The following ZNF226 variants were observed in gnomAD, a reference collection of about 807,000 sequenced individuals.
ZNF226 encodes Kruppel-associated box protein.
ZNF226 carries 6 observed loss-of-function variants against 11.4 expected under a neutral mutation model. The observed-to-expected ratio is 0.53, with a 90% CI of 0.29 to 1.04. The LOEUF (loss-of-function observed/expected upper bound fraction) is 1.04. ZNF226 is among the 50% of genes least tolerant of loss of function. The pLI, the probability that ZNF226 is intolerant of heterozygous loss-of-function variation, is 0.08. For missense variants in ZNF226, 1,058 were observed against 956.5 expected, an observed-to-expected ratio of 1.11 and a Z score of -1.40; for synonymous variants, 350 against 322.8, an observed-to-expected ratio of 1.08 and a Z score of -0.90.
downstream of ZNF226, among the ~76,000 whole-genome samples, chr19:44,179,965 T>C (rs1970881294): frequency 6.6e-6 from 1 of 151,196 alleles, no homozygotes; most frequent in African/African-American, 2.4e-5. Flanking sequence ...TGGGCGCCTG[T>C]AATTCCAGCT....
chr19:44,197,500 A>G, the ZNF226 span, among the ~76,000 whole-genome samples: 1 of 152,198 alleles, frequency 6.6e-6, no homozygotes, highest in East Asian at 1.9e-4. Context: ...GTTGGGACAT[A>G]TTGGTCAAAA....
chr19:44,191,214 T>C, the ZNF226 span, among the ~76,000 whole-genome samples: 1 of 152,178 alleles, frequency 6.6e-6, no homozygotes, highest in Non-Finnish European at 1.5e-5. Context: ...ATGAATCTGA[T>C]TGCAGATACC....
intron 3 of ZNF226, among the ~76,000 whole-genome samples, chr19:44,170,760 A>T (rs1005866270): frequency 2.6e-5 from 4 of 152,136 alleles, no homozygotes; most frequent in Admixed American, 6.5e-5. Context: ...AAAAAATAAA[A>T]AAATTAGCCA....
the ZNF226 span, among the ~76,000 whole-genome samples, chr19:44,192,702 A>G: frequency 6.6e-6 from 1 of 152,214 alleles, no homozygotes; most frequent in Non-Finnish European, 1.5e-5. Context: ...AGTATTTTAA[A>G]GCTGGAATAA....
chr19:44,176,626 G>A lies in ZNF226; in HGVS notation c.1364G>A (p.Gly455Asp), dbSNP rs1490134494. The part of the protein sequence containing the change: ...KPYKCEECGK[G>D]FSRPSSLQAH... Reference sequence around the variant, plus strand: ...TATAAATGTGAGGAATGTGGTAAAGGCTTTAGTCGGCCTTCAAGTCTTCAG... The same window carrying A: ...TATAAATGTGAGGAATGTGGTAAAGACTTTAGTCGGCCTTCAAGTCTTCAG... Residue 455 changes from glycine to aspartate, a missense_variant, in exon 6 of 6, where the codon GGC (glycine) becomes GAC (aspartate). By Grantham distance (94) the Gly-to-Asp change is moderately conservative (BLOSUM62 -1). Transcript: ENST00000337433. The A allele has an allele frequency of 6.2e-7, 1 of 1,614,058 alleles. No individual in the cohort carries two copies. Among genetic ancestry groups the A allele is most frequent in the Non-Finnish European group, 8.5e-7 (1 of 1,180,006 alleles).
In ZNF226 at chr19:44,172,183, G is replaced by C; in HGVS notation, c.111G>C (p.Met37Ile). Residue 37 changes from methionine to isoleucine, a missense_variant, in exon 4 of 6, where the codon ATG (methionine) becomes ATC (isoleucine). By Grantham distance (10) the Met-to-Ile change is conservative. Coordinates refer to ENST00000337433, the MANE Select transcript of ZNF226 (RefSeq NM_001032373.2). The part of the protein sequence containing the change: ...PAQRKLYRDV[M>I]VENFRNLLSV... Reference sequence around the variant, plus strand: ...AGAGGAAGCTGTACCGAGATGTGATGGTGGAGAACTTTAGGAACCTGCTGT... The same window carrying C: ...AGAGGAAGCTGTACCGAGATGTGATCGTGGAGAACTTTAGGAACCTGCTGT... The C allele has an allele frequency of 3.7e-6, 6 of 1,612,602 alleles. No individual in the cohort carries two copies. Among genetic ancestry groups the C allele is most frequent in the Non-Finnish European group, 5.1e-6 (6 of 1,179,082 alleles).
the ZNF226 span, among the ~76,000 whole-genome samples, chr19:44,195,153 A>G: frequency 4.0e-3 from 609 of 152,240 alleles, 3 homozygotes; most frequent in African/African-American, 0.014. Flanking sequence ...CTTTCCAGAA[A>G]AGACAAAAAG....
the ZNF226 span, among the ~76,000 whole-genome samples, chr19:44,187,815 ATGT>A: frequency 3.3e-5 from 5 of 152,030 alleles, 1 homozygote; most frequent in African/African-American, 1.2e-4. This position sits in a 1 kb window ranked among gnomAD's most constrained non-coding sequence, Gnocchi z 4.0. Flanking sequence ...AAGTTTTGAA[ATGT>A]TGTATCTCTG....
At chr19:44,182,816 T>C (rs933960392), downstream of ZNF226, among the ~76,000 whole-genome samples, 2 of 152,204 alleles carry the variant, frequency 1.3e-5, no homozygotes, top group Non-Finnish European at 2.9e-5. Flanking sequence ...AAAGGGATTA[T>C]CAGAGATCTT....
chr19:44,175,301 G>A, intron 5 of ZNF226, 197 bp from the exon 6 acceptor site: 1 of 1,403,602 alleles, frequency 7.1e-7, no homozygotes, highest in Non-Finnish European at 9.2e-7. Flanking sequence ...GCAATTGGGA[G>A]CTTGGTGGAC....
the ZNF226 span, among the ~76,000 whole-genome samples, chr19:44,185,103 C>T: frequency 6.0e-4 from 92 of 152,316 alleles, no homozygotes; most frequent in Admixed American, 1.0e-3. Context: ...GGATTTTCTT[C>T]TTTTTAAAGG....
rs756404205 is a variant in ZNF226, at chr19:44,176,720, G to A, written c.1458G>A (p.Leu486=). The A allele has an allele frequency of 6.8e-6, 11 of 1,614,022 alleles. No homozygotes were observed. Among genetic ancestry groups the A allele is most frequent in the Non-Finnish European group, 9.3e-6 (11 of 1,180,020 alleles). The change falls in exon 6 of 6, where the codon CTG becomes CTA. Residue 486 remains leucine, a synonymous_variant. Coordinates refer to ENST00000337433, the MANE Select transcript of ZNF226 (RefSeq NM_001032373.2). ...ICTVCGKGFT[L]SSNLQAHQRV... The stretch of plus-strand genomic sequence containing the variant: ...CTGTATGTGGGAAAGGCTTTACTCT[G>A]AGTTCAAATCTTCAAGCCCATCAGA...
chr19:44,184,704 A>G, the ZNF226 span, among the ~76,000 whole-genome samples: 3 of 152,168 alleles, frequency 2.0e-5, no homozygotes, highest in African/African-American at 4.8e-5. Context: ...CACAATGACT[A>G]CTAGGATTCT....
rs567922513 is a variant in ZNF226, at chr19:44,172,898, A to G, written c.181A>G (p.Arg61Gly). The change falls in exon 5 of 6, where the codon AGA becomes GGA. Residue 61 changes from arginine (R) to glycine (G), a missense_variant. By Grantham distance (125) the Arg-to-Gly change is moderately radical. Transcript: ENST00000337433. Reference protein sequence around the residue: ...PFKQDVSPIERNEQLWIMTTA... With the variant: ...PFKQDVSPIEGNEQLWIMTTA... ...CAAACAAGATGTATCACCTATAGAA[A>G]GAAATGAGCAGCTTTGGATAATGAC... 1.1e-4 allele frequency: 171 copies of G among 1,606,424 alleles called. 1 individual carries two copies. The South Asian group carries it at 1.8e-3, about 17-fold the overall frequency.
downstream of ZNF226, among the ~76,000 whole-genome samples, chr19:44,180,960 T>C (rs1970898260): frequency 1.3e-5 from 2 of 152,172 alleles, no homozygotes. Flanking sequence ...AGGTGCTCTT[T>C]CATTTGTAGT....
At chr19:44,180,759 C>G (rs1356271728), downstream of ZNF226, among the ~76,000 whole-genome samples, 1 of 152,120 alleles carries the variant, frequency 6.6e-6, no homozygotes, top group East Asian at 1.9e-4. Flanking sequence ...TTATGTTAAA[C>G]CAAATGATTT....
At position 44,176,802 on chromosome 19, in the gene ZNF226, A is replaced by G. The variant is rs1416357545; in HGVS notation, c.1540A>G (p.Arg514Gly). Residue 514 changes from arginine (R) to glycine (G), a missense_variant, in exon 6 of 6, where the codon AGG (arginine) becomes GGG (glycine). Arg to Gly is a moderately radical substitution (Grantham distance 125). Transcript: ENST00000337433. The stretch of plus-strand genomic sequence containing the variant: ...CAATGAGTGTGGGAAGAGCTTCAGG[A>G]GGAATTCCCATTATCAAGTTCATCT... Reference protein sequence around the residue: ...KCNECGKSFRRNSHYQVHLVV... With the variant: ...KCNECGKSFRGNSHYQVHLVV... 3 of 1,612,886 alleles carry G rather than the reference A, an allele frequency of 1.9e-6. No homozygotes were observed. The South Asian group carries it at 3.3e-5, about 18-fold the overall frequency.
chr19:44,192,015 G>C, the ZNF226 span, among the ~76,000 whole-genome samples: 1 of 152,220 alleles, frequency 6.6e-6, no homozygotes, highest in Non-Finnish European at 1.5e-5. Context: ...CACTGGAAGA[G>C]TGTGTATCCA....
At chr19:44,173,117 C>T (rs999379061) in intron 5 of ZNF226, 165 bp downstream of exon 5, 4 of 624,374 alleles carry the variant, frequency 6.4e-6, no homozygotes, top group African/African-American at 3.7e-5. Context: ...CTCTTACATT[C>T]TGTTCTTTAA....
Sources: gnomAD v4.1 joint callset for allele counts (sites outside exome capture counted in the v4.1 genomes callset) on GRCh38, gnomAD v4.1.1 for gene constraint, Gnocchi (gnomAD v3.1) non-coding constraint, MANE v1.5 for transcripts, NCBI Gene and HGNC (gene_info 2026-07-23, HGNC 2026-07-21) for gene names.